TOPAZ1: variants seen among roughly 807,000 people sequenced by gnomAD.
The protein encoded by TOPAZ1 is protein TOPAZ1.
TOPAZ1 carries 66 observed loss-of-function variants against 172.2 expected under a neutral mutation model. The ratio of observed to expected loss-of-function variants is 0.38; its 90% CI spans 0.31 to 0.47. The LOEUF is 0.47. TOPAZ1 is among the 20% of genes least tolerant of loss of function. The probability of loss-of-function intolerance (pLI) is 0.99; values close to 1 mark genes in which losing one functional copy is unlikely to be tolerated. For synonymous variants in TOPAZ1, 681 were observed against 683.9 expected (o/e 1.00, Z 0.07); for missense variants, 1,822 against 1,972.4 (o/e 0.92, Z 1.44).
At chr3:44,269,079 C>A in intron 6 of TOPAZ1, 137 bp from the exon 7 acceptor site, 1 of 641,862 alleles carries the variant, frequency 1.6e-6, no homozygotes, top group African/African-American at 1.9e-5. Context: ...ACACACATGG[C>A]AGCACAGTCT....
chr3:44,299,842 T>C (rs1700248022), intron 12 of TOPAZ1, among the ~76,000 whole-genome samples: 1 of 145,820 alleles, frequency 6.9e-6, no homozygotes, highest in African/African-American at 2.5e-5. Context: ...CTCAGTAAAC[T>C]ATCGCAAGAA....
intron 8 of TOPAZ1, among the ~76,000 whole-genome samples, chr3:44,278,186 T>C (rs2125689539): frequency 6.6e-6 from 1 of 152,300 alleles, no homozygotes; most frequent in East Asian, 1.9e-4. Context: ...CATGTTTATT[T>C]ATTTGTGTGT....
At chr3:44,335,590 C>T (rs1424422095), downstream of TOPAZ1, among the ~76,000 whole-genome samples, 1 of 152,090 alleles carries the variant, frequency 6.6e-6, no homozygotes, top group African/African-American at 2.4e-5. Context: ...TGCCATTGCA[C>T]TCCAGCCTGA....
Position 44,290,872 on chromosome 3 carries a change from G to A in TOPAZ1, c.3783G>A (p.Leu1261=), listed in dbSNP as rs1331101751. The change falls in exon 12 of 20, where the codon CTG becomes CTA. Residue 1261 remains leucine (L), a synonymous_variant. Transcript: ENST00000309765. ...QASKQEITAV[L]EMKSRLQMRR... ...CCAAACAAGAAATAACTGCAGTTCT[G>A]GAAATGAAATCGAGGTGAGAAAAAT... The A allele has an allele frequency of 6.5e-7, 1 of 1,542,208 alleles. No homozygotes were observed. The highest frequency in any genetic ancestry group is 1.4e-5 in the African/African-American group (1 of 72,360).
At chr3:44,322,189 C>G (rs939146909) in intron 17 of TOPAZ1, among the ~76,000 whole-genome samples, 1 of 152,176 alleles carries the variant, frequency 6.6e-6, no homozygotes, top group Non-Finnish European at 1.5e-5. Flanking sequence ...GAACTACAGT[C>G]TAGCTCACAG....
chr3:44,279,101 G>A (rs548909695), intron 8 of TOPAZ1, among the ~76,000 whole-genome samples: 10 of 152,046 alleles, frequency 6.6e-5, no homozygotes, highest in Admixed American at 2.0e-4. Context: ...TCATTCAGGA[G>A]CAGGTTGTTT....
chr3:44,304,157 A>G, intron 13 of TOPAZ1, 76 bp downstream of exon 13: 1 of 797,324 alleles, frequency 1.3e-6, no homozygotes, highest in Admixed American at 3.0e-5. Flanking sequence ...TTGAATAATA[A>G]CCCCATTTTA....
At chr3:44,327,206 A>G (rs1700609753) in intron 18 of TOPAZ1, among the ~76,000 whole-genome samples, 1 of 152,268 alleles carries the variant, frequency 6.6e-6, no homozygotes, top group African/African-American at 2.4e-5. Context: ...TTGTTAGCAC[A>G]TGTACATGGC....
chr3:44,258,022 C>A (rs1159912534), intron 4 of TOPAZ1, among the ~76,000 whole-genome samples: 2 of 150,820 alleles, frequency 1.3e-5, no homozygotes, highest in African/African-American at 4.9e-5. Context: ...GATTTTTTTT[C>A]CTATGTTGCT....
intron 8 of TOPAZ1, among the ~76,000 whole-genome samples, chr3:44,276,649 TTTTTCC>T (rs1169473211): frequency 3.2e-4 from 17 of 53,608 alleles, no homozygotes; most frequent in Admixed American, 4.9e-4. Context: ...TTTTTTTTTT[TTTTTCC>T]AGAATTGCTT....
intron 6 of TOPAZ1, 83 bp downstream of exon 6, chr3:44,267,219 G>T (rs1164587287): frequency 1.2e-5 from 13 of 1,106,708 alleles, no homozygotes; most frequent in Non-Finnish European, 1.4e-5. Flanking sequence ...AACAAAAAAC[G>T]ATTAAAAAAG....
intron 12 of TOPAZ1, among the ~76,000 whole-genome samples, chr3:44,291,674 A>G (rs534693153): frequency 6.6e-6 from 1 of 152,086 alleles, no homozygotes; most frequent in Admixed American, 6.6e-5. Flanking sequence ...ACTTACACCA[A>G]GAAAAAGGAA....
At chr3:44,331,681 T>C (rs1244396037) in intron 19 of TOPAZ1, 111 bp from the exon 20 acceptor site, 5 of 886,840 alleles carry the variant, frequency 5.6e-6, no homozygotes, top group Non-Finnish European at 8.6e-6. Context: ...TAGAAGAACA[T>C]GGTGAGAAGA....
At chr3:44,299,575 C>T (rs984380871) in intron 12 of TOPAZ1, among the ~76,000 whole-genome samples, 1 of 152,038 alleles carries the variant, frequency 6.6e-6, no homozygotes, top group African/African-American at 2.4e-5. Context: ...CTAGAAATAC[C>T]ATTTGACCCA....
At chr3:44,298,911 T>TATA (rs1559541872) in intron 12 of TOPAZ1, among the ~76,000 whole-genome samples, 16 of 20,140 alleles carry the variant, frequency 7.9e-4, no homozygotes, top group African/African-American at 1.9e-3. Context: ...ATATATATAT[T>TATA]TTTTTTTTTT....
intron 16 of TOPAZ1, among the ~76,000 whole-genome samples, chr3:44,313,476 G>T (rs1298572712): frequency 6.6e-6 from 1 of 151,854 alleles, no homozygotes; most frequent in Non-Finnish European, 1.5e-5. Flanking sequence ...AATTAGCCGG[G>T]CATGGTGGCG....
At position 44,244,224 on chromosome 3, in the gene TOPAZ1, C is replaced by A. The variant is rs1308681999; in HGVS notation, c.1718C>A (p.Ser573Tyr). ...EKLDSNSNCL[S>Y]SVSAVEPTLM... ...TTAGATTCTAATTCTAATTGTTTGT[C>A]TTCAGTTTCTGCAGTAGAACCTACT... The change falls in exon 2 of 20, where the codon TCT becomes TAT. Residue 573 changes from serine to tyrosine, a missense_variant. Ser to Tyr is a moderately radical substitution (Grantham distance 144, BLOSUM62 -2). Transcript: ENST00000309765. 1 of 1,549,288 alleles carries A rather than the reference C, an allele frequency of 6.5e-7. No homozygotes were observed. Among genetic ancestry groups the A allele is most frequent in the Admixed American group, 2.0e-5 (1 of 50,756 alleles).
chr3:44,281,090 C>G (rs1224362007), intron 8 of TOPAZ1, among the ~76,000 whole-genome samples: 2 of 152,210 alleles, frequency 1.3e-5, no homozygotes, highest in African/African-American at 4.8e-5. Flanking sequence ...GAGTGTGGAC[C>G]ACTGGGGGTC....
chr3:44,260,387 CT>C (rs1325084594), intron 4 of TOPAZ1, among the ~76,000 whole-genome samples: 1 of 152,068 alleles, frequency 6.6e-6, no homozygotes, highest in Non-Finnish European at 1.5e-5. Flanking sequence ...AGCTTTTCAT[CT>C]TGTAAAAGCC....
Sources: gnomAD v4.1 joint callset for allele counts (sites outside exome capture counted in the v4.1 genomes callset) on GRCh38, gnomAD v4.1.1 for gene constraint, MANE v1.5 for transcripts, NCBI Gene and HGNC (gene_info 2026-07-23, HGNC 2026-07-21) for gene names.